TACR3: variants seen among roughly 807,000 people sequenced by gnomAD.
TACR3 encodes tachykinin receptor 3.
Under a neutral mutation model 35.0 loss-of-function variants are expected in TACR3, and 34 were observed. The observed-to-expected ratio is 0.97, with a 90% CI of 0.74 to 1.30. The LOEUF (loss-of-function observed/expected upper bound fraction) is 1.30, where lower values mean the gene tolerates loss of function less well. Among genes scored for constraint, TACR3 ranks in the 50% most tolerant of loss-of-function variants. The pLI is 0.00. For missense variants in TACR3, 558 were observed against 591.7 expected (o/e 0.94, Z 0.59); for synonymous variants, 233 against 221.1 (o/e 1.05, Z -0.48).
In TACR3 at chr4:103,719,180, T is replaced by C. The variant is rs955149687; in HGVS notation, c.496A>G (p.Ile166Val). 3.1e-6 allele frequency: 5 copies of C among 1,614,124 alleles called. No individual in the cohort carries two copies. Among genetic ancestry groups the C allele is most frequent in the Non-Finnish European group, 4.2e-6 (5 of 1,180,020 alleles). Residue 166 changes from isoleucine to valine, a missense_variant, in exon 1 of 5, where the codon ATC (isoleucine) becomes GTC (valine). Transcript: ENST00000304883. ...TAGATGCTGGCGAACACAGCTGTGA[T>C]AGGAAAGAAGTTCTGGAAGCGGCAG... The part of the protein sequence containing the change: ...NYCRFQNFFP[I>V]TAVFASIYSM...
chr4:103,641,425 A>G (rs1294699678), intron 3 of TACR3, among the ~76,000 whole-genome samples: 1 of 152,062 alleles, frequency 6.6e-6, no homozygotes, highest in Non-Finnish European at 1.5e-5. Context: ...CCGCAATGAT[A>G]TATTACCTCA....
intron 3 of TACR3, among the ~76,000 whole-genome samples, chr4:103,648,354 T>C (rs976374908): frequency 3.3e-5 from 5 of 152,072 alleles, no homozygotes; most frequent in African/African-American, 4.8e-5. Context: ...AGTCATTCTG[T>C]TGTGCTATAT....
intron 1 of TACR3, among the ~76,000 whole-genome samples, chr4:103,711,907 G>A (rs572956856): frequency 1.7e-3 from 263 of 152,168 alleles, no homozygotes; most frequent in South Asian, 8.5e-3. Flanking sequence ...GCTTCAAAGA[G>A]AATAAAATAC....
Position 103,713,415 on chromosome 4 carries a change from T to A in TACR3, c.548+5713A>T, listed in dbSNP as rs55927889. Among the ~76,000 whole-genome samples the A allele has an allele frequency of 3.8e-3, 508 of 132,936 alleles. 3 individuals carry two copies. The highest frequency in any genetic ancestry group is 0.014 in the African/African-American group (465 of 34,408). 87.2% of individuals were successfully genotyped at this position (132,936 alleles called of 152,430 possible). A position where few individuals can be genotyped will look rare whatever the true frequency, so the allele number is the denominator to read the frequency against. On this transcript the variant is annotated intron_variant, in intron 1 of 4. Transcript: ENST00000304883. ...CATGTTCTCACTCATAGGTGGGAAT[T>A]GAACAATGAGAACACATGGACACAG...
intron 3 of TACR3, among the ~76,000 whole-genome samples, chr4:103,601,168 T>G (rs918217605): frequency 1.2e-4 from 18 of 152,192 alleles, no homozygotes; most frequent in African/African-American, 4.3e-4. Context: ...ATATTTAGGA[T>G]AGTTAGCTCT....
chr4:103,634,004 G>T (rs935832210), intron 3 of TACR3, among the ~76,000 whole-genome samples: 1 of 152,022 alleles, frequency 6.6e-6, no homozygotes, highest in African/African-American at 2.4e-5. Flanking sequence ...GCTCACAAAA[G>T]GTCGGAAGCT....
intron 3 of TACR3, among the ~76,000 whole-genome samples, chr4:103,623,608 CAA>C: frequency 6.6e-6 from 1 of 152,108 alleles, no homozygotes; most frequent in African/African-American, 2.4e-5. Context: ...ATCACTTGCC[CAA>C]GACTGCCTAA....
At chr4:103,597,699 G>A (rs1339585931) in intron 3 of TACR3, among the ~76,000 whole-genome samples, 1 of 150,956 alleles carries the variant, frequency 6.6e-6, no homozygotes, top group Non-Finnish European at 1.5e-5. Flanking sequence ...GTGAGAACAT[G>A]CAGTTTGGTT....
rs140547960 is a variant in TACR3, at chr4:103,631,885, A to G, written c.888+24309T>C. 1.8e-4 allele frequency among the ~76,000 whole-genome samples: 27 copies of G among 152,242 alleles called. No homozygotes were observed. In the East Asian group the frequency reaches 4.6e-3, roughly 26 times the overall value. On this transcript the variant is annotated intron_variant, in intron 3 of 4. Transcript: ENST00000304883. ...GCCTAGAATTTGCTTGTGATAAAATACTTTCCTTTTTCTAACCAAGTATCA... is the reference window on the plus strand; with the variant it reads ...GCCTAGAATTTGCTTGTGATAAAATGCTTTCCTTTTTCTAACCAAGTATCA...
At chr4:103,623,657 A>G (rs924531495) in intron 3 of TACR3, among the ~76,000 whole-genome samples, 2 of 152,166 alleles carry the variant, frequency 1.3e-5, no homozygotes, top group Non-Finnish European at 2.9e-5. Flanking sequence ...AGAGAGCAAT[A>G]GAAACTGAAT....
At chr4:103,600,811 T>C (rs1325271716) in intron 3 of TACR3, among the ~76,000 whole-genome samples, 1 of 152,218 alleles carries the variant, frequency 6.6e-6, no homozygotes, top group Non-Finnish European at 1.5e-5. Context: ...TTGATTGCAC[T>C]GTGGTCTGAG....
chr4:103,636,652 G>T (rs1241095111), intron 3 of TACR3, among the ~76,000 whole-genome samples: 1 of 151,928 alleles, frequency 6.6e-6, no homozygotes, highest in Non-Finnish European at 1.5e-5. Context: ...TCCAGGAGCT[G>T]GTTTTTTGAA....
At chr4:103,597,386 TGGTCA>T (rs1724056332) in intron 3 of TACR3, among the ~76,000 whole-genome samples, 1 of 152,174 alleles carries the variant, frequency 6.6e-6, no homozygotes, top group African/African-American at 2.4e-5. Flanking sequence ...GGAATAAAAA[TGGTCA>T]GCTTGGTGTG....
intron 1 of TACR3, among the ~76,000 whole-genome samples, chr4:103,697,896 C>A (rs1396876860): frequency 6.6e-6 from 1 of 152,112 alleles, no homozygotes; most frequent in African/African-American, 2.4e-5. Context: ...TCCAGTGAGT[C>A]CTGTTTCACT....
At chr4:103,708,766 T>G (rs1347085830) in intron 1 of TACR3, among the ~76,000 whole-genome samples, 1 of 152,148 alleles carries the variant, frequency 6.6e-6, no homozygotes, top group Non-Finnish European at 1.5e-5. Context: ...GAGAAAAGAT[T>G]AGACAAATGG....
At chr4:103,628,568 G>C (rs1165833145) in intron 3 of TACR3, among the ~76,000 whole-genome samples, 1 of 152,184 alleles carries the variant, frequency 6.6e-6, no homozygotes, top group East Asian at 1.9e-4. Context: ...ATAAATTCCT[G>C]GACACATACA....
chr4:103,649,831 T>C (rs114654587), intron 3 of TACR3, among the ~76,000 whole-genome samples: 120 of 152,244 alleles, frequency 7.9e-4, no homozygotes, highest in African/African-American at 2.8e-3. Flanking sequence ...TTCTCCAGAA[T>C]TGGTCCTTGG....
rs936311325 is a variant in TACR3 at position 103,588,889 on chromosome 4, A to G, written c.*793T>C. 3 of 152,146 alleles carry G rather than the reference A, an allele frequency of 2.0e-5. No homozygotes were observed. The highest frequency in any genetic ancestry group is 4.4e-5 in the Non-Finnish European group (3 of 68,004). 9.4% of individuals were successfully genotyped at this position (152,146 alleles called of 1,614,324 possible). A position where few individuals can be genotyped will look rare whatever the true frequency, so the allele number is the denominator to read the frequency against. ...TGTTTTATAATCTAGCTATTTAAAAAATCTGTGAAAAATAAAAAATGATAG... is the reference window on the plus strand; with the variant it reads ...TGTTTTATAATCTAGCTATTTAAAAGATCTGTGAAAAATAAAAAATGATAG... On this transcript the variant is annotated 3_prime_UTR_variant, in exon 5 of 5. Coordinates refer to ENST00000304883, the MANE Select transcript of TACR3 (RefSeq NM_001059.3).
intron 3 of TACR3, among the ~76,000 whole-genome samples, chr4:103,637,205 C>G (rs568854177): frequency 6.6e-6 from 1 of 152,120 alleles, no homozygotes; most frequent in African/African-American, 2.4e-5. Context: ...TACTGGCAAA[C>G]TGAATCCAGC....
Sources: gnomAD v4.1 joint callset for allele counts (sites outside exome capture counted in the v4.1 genomes callset) on GRCh38, gnomAD v4.1.1 for gene constraint, MANE v1.5 for transcripts, NCBI Gene and HGNC (gene_info 2026-07-23, HGNC 2026-07-21) for gene names.